PICALM: variants seen among roughly 807,000 people sequenced by gnomAD.
PICALM encodes the protein phosphatidylinositol binding clathrin assembly protein.
In PICALM, 40 loss-of-function variants were observed where a neutral mutation model predicts 80.5. That is an observed-to-expected ratio of 0.50 (90% confidence interval 0.39 to 0.65). The LOEUF is 0.65. Ranked by LOEUF, PICALM falls within the 30% of genes least tolerant of loss-of-function variation. PICALM has a pLI of 0.00. For synonymous variants in PICALM, 288 were observed against 260.3 expected (o/e 1.11, Z -1.02); for missense variants, 676 against 778.9 (o/e 0.87, Z 1.57).
chr11:85,982,488 C>T (rs1393571286), intron 14 of PICALM, among the ~76,000 whole-genome samples: 96 of 129,100 alleles, frequency 7.4e-4, no homozygotes, highest in African/African-American at 2.8e-3. Flanking sequence ...ACTGCAGTGG[C>T]GCAATCTCGG....
chr11:86,039,080 T>A (rs1035094442), intron 1 of PICALM, among the ~76,000 whole-genome samples: 1 of 150,252 alleles, frequency 6.7e-6, no homozygotes, highest in African/African-American at 2.5e-5. Context: ...CACTGCACTC[T>A]TGTCTGGGCA....
chr11:86,067,301 A>G (rs1056241098), intron 1 of PICALM, among the ~76,000 whole-genome samples: 1 of 152,222 alleles, frequency 6.6e-6, no homozygotes, highest in African/African-American at 2.4e-5. Context: ...AGTAACTTTC[A>G]TGTATGATGA....
chr11:85,965,166 G>A lies in PICALM; in HGVS notation c.1945-6106C>T, dbSNP rs569495853. Among the ~76,000 whole-genome samples, 4 of 152,112 alleles carry A rather than the reference G, an allele frequency of 2.6e-5. No homozygotes were observed. In the South Asian group the frequency reaches 6.2e-4, roughly 24 times the overall value. On this transcript the variant is annotated intron_variant, in intron 19 of 19. Transcript: ENST00000393346. ...AGGTTCTCATCAAGGGAGTGGGTTC[G>A]CCCCCTTTTGTTCTCTCTCTGCCTT...
intron 8 of PICALM, among the ~76,000 whole-genome samples, chr11:86,007,200 C>A (rs1225384360): frequency 6.6e-6 from 1 of 152,150 alleles, no homozygotes; most frequent in Non-Finnish European, 1.5e-5. Context: ...TAATTCTCTA[C>A]CAGCATTATA....
chr11:85,977,053 A>G (rs2094304809), intron 17 of PICALM: 1 of 154,808 alleles, frequency 6.5e-6, no homozygotes, highest in Admixed American at 6.5e-5. Flanking sequence ...CAGAAAAAGT[A>G]TTATTGAATG....
At position 86,011,069 on chromosome 11, in the gene PICALM, A is replaced by C; in HGVS notation, c.726T>G (p.Thr242=). ...GGAACTCTGAGATTCTTGTCATCCT[A>C]GTTAGGAACTTCTTATAGATGTCAA... ...EGLDIYKKFL[T]RMTRISEFLK... is the part of the protein sequence containing the mutation. Residue 242 remains threonine, a synonymous_variant, in exon 7 of 20, where the codon ACT becomes ACG. Coordinates refer to ENST00000393346, the MANE Select transcript of PICALM (RefSeq NM_007166.4). The C allele has an allele frequency of 1.9e-6, 3 of 1,557,190 alleles. No homozygotes were observed. Among genetic ancestry groups the C allele is most frequent in the Non-Finnish European group, 2.6e-6 (3 of 1,137,452 alleles).
At chr11:86,020,930 T>G (rs1422033750) in intron 4 of PICALM, among the ~76,000 whole-genome samples, 3 of 152,026 alleles carry the variant, frequency 2.0e-5, no homozygotes, top group Non-Finnish European at 2.9e-5. Flanking sequence ...AACAAGAAAC[T>G]GAAAAGACAA....
At chr11:85,963,920 C>CTTTTTTTT (rs10686143) in intron 19 of PICALM, among the ~76,000 whole-genome samples, 1,189 of 72,724 alleles carry the variant, frequency 0.016, 8 homozygotes, top group Non-Finnish European at 0.023. Flanking sequence ...CCACACCTGG[C>CTTTTTTTT]TTTTTTTTTT....
chr11:86,019,506 T>C (rs1457828442), intron 4 of PICALM, among the ~76,000 whole-genome samples: 1 of 152,234 alleles, frequency 6.6e-6, no homozygotes, highest in Non-Finnish European at 1.5e-5. Context: ...GAACAAAAGT[T>C]ACCATTTTAA....
At chr11:86,063,058 G>A (rs916415676) in intron 1 of PICALM, among the ~76,000 whole-genome samples, 2 of 152,258 alleles carry the variant, frequency 1.3e-5, no homozygotes, top group Admixed American at 6.5e-5. Flanking sequence ...CCATTTCAGA[G>A]CTGAAGAAAA....
At chr11:86,066,025 C>CA (rs2096442981) in intron 1 of PICALM, among the ~76,000 whole-genome samples, 1 of 152,032 alleles carries the variant, frequency 6.6e-6, no homozygotes, top group Non-Finnish European at 1.5e-5. Context: ...TTGCTAGGGG[C>CA]ATTAAAAGGT....
In PICALM at chr11:85,959,003, G is replaced by C. The variant is rs749948354; in HGVS notation, c.*43C>G. 1.3e-6 allele frequency: 2 copies of C among 1,534,290 alleles called. No individual in the cohort carries two copies. Among genetic ancestry groups the C allele is most frequent in the East Asian group, 4.5e-5 (2 of 44,400 alleles). The stretch of plus-strand genomic sequence containing the variant: ...GCTGGAAGTAAGGATTTTGCTGCTT[G>C]AGCACTTGTCTTTTTGGAGTAATTC... On this transcript the variant is annotated 3_prime_UTR_variant, in exon 20 of 20. Coordinates refer to ENST00000393346, the MANE Select transcript of PICALM (RefSeq NM_007166.4).
chr11:86,021,223 T>C (rs950422377), intron 4 of PICALM, among the ~76,000 whole-genome samples: 2 of 152,128 alleles, frequency 1.3e-5, no homozygotes, highest in African/African-American at 2.4e-5. Flanking sequence ...TAGTGTTGCA[T>C]GCCTGTGTTC....
At chr11:85,994,336 C>G (rs1364130797) in intron 12 of PICALM, among the ~76,000 whole-genome samples, 1 of 152,168 alleles carries the variant, frequency 6.6e-6, no homozygotes, top group African/African-American at 2.4e-5. Flanking sequence ...ATGAGGCCAA[C>G]AAGAGAGCTT....
rs991964049 is a variant in PICALM, at chr11:85,958,045, C to T, written c.*1001G>A. 2 of 225,322 alleles carry T rather than the reference C, an allele frequency of 8.9e-6. No individual in the cohort carries two copies. The highest frequency in any genetic ancestry group is 1.8e-5 in the Non-Finnish European group (2 of 113,070). The allele number at this position is 225,322 out of a possible 1,614,324, so 14.0% of individuals were successfully genotyped here. On this transcript the variant is annotated 3_prime_UTR_variant, in exon 20 of 20. Transcript: ENST00000393346. ...CCCCCTTCCCTCCCCCTTGTAACACCTTCTAGAGTTTTAGTGAAAAGAAGG... is the reference window on the plus strand; with the variant it reads ...CCCCCTTCCCTCCCCCTTGTAACACTTTCTAGAGTTTTAGTGAAAAGAAGG...
chr11:86,007,767 A>C (rs1188761444), intron 7 of PICALM, among the ~76,000 whole-genome samples, 184 bp from the exon 8 acceptor site: 1 of 152,122 alleles, frequency 6.6e-6, no homozygotes, highest in Non-Finnish European at 1.5e-5. Flanking sequence ...GGTGGCCCTA[A>C]AAGTTCTTAA....
At chr11:85,960,477 T>G (rs1313874775) in intron 19 of PICALM, among the ~76,000 whole-genome samples, 1 of 152,230 alleles carries the variant, frequency 6.6e-6, no homozygotes. Context: ...AATAATTATG[T>G]TACAGATATT....
chr11:86,064,946 G>C (rs1447131655), intron 1 of PICALM, among the ~76,000 whole-genome samples: 1 of 151,980 alleles, frequency 6.6e-6, no homozygotes, highest in Non-Finnish European at 1.5e-5. Context: ...ACCAGGCGTG[G>C]TGGCACATGC....
At chr11:86,036,895 A>T (rs1253353500) in intron 1 of PICALM, among the ~76,000 whole-genome samples, 1 of 147,904 alleles carries the variant, frequency 6.8e-6, no homozygotes, top group Non-Finnish European at 1.5e-5. Context: ...TGAGGTCACG[A>T]GTTTGAGACC....
Sources: allele counts gnomAD v4.1 joint callset (sites outside exome capture counted in the v4.1 genomes callset), GRCh38; gene constraint gnomAD v4.1.1; transcripts MANE v1.5; gene names NCBI Gene and HGNC (gene_info 2026-07-23, HGNC 2026-07-21).